Variants in RGS6 observed in about 807,000 individuals in gnomAD.
RGS6 encodes the protein regulator of G-protein signaling 6.
RGS6 carries 30 observed loss-of-function variants against 78.5 expected under a neutral mutation model. The ratio of observed to expected loss-of-function variants is 0.38; its 90% confidence interval spans 0.29 to 0.52. RGS6 has a LOEUF of 0.52. Ranked by LOEUF, RGS6 falls within the 20% of genes least tolerant of loss-of-function variation. RGS6 has a pLI of 0.85. For missense variants in RGS6, 495 were observed against 609.7 expected (o/e 0.81, Z 1.98); for synonymous variants, 206 against 206.0 (o/e 1.00, Z 0.00).
At chr14:72,424,491 T>C (rs1387897785) in intron 3 of RGS6, among the ~76,000 whole-genome samples, 3 of 152,246 alleles carry the variant, frequency 2.0e-5, no homozygotes, top group South Asian at 2.1e-4. Context: ...TCAGGCCTTT[T>C]TTGGTGAAAA....
intron 3 of RGS6, among the ~76,000 whole-genome samples, chr14:72,430,700 GTGT>G (rs1388682013): frequency 2.0e-5 from 3 of 151,518 alleles, no homozygotes; most frequent in African/African-American, 7.3e-5. Flanking sequence ...TTTCTGTGTG[GTGT>G]TGTTGTTGTG....
chr14:72,562,253 A>G (rs1466958892), intron 17 of RGS6, among the ~76,000 whole-genome samples, 164 bp from the exon 18 acceptor site: 1 of 152,220 alleles, frequency 6.6e-6, no homozygotes, highest in Admixed American at 6.5e-5. Context: ...TCCAAAGTTA[A>G]GGCTCCCATA....
chr14:71,887,014 T>G, the RGS6 span, among the ~76,000 whole-genome samples: 127,911 of 152,086 alleles, frequency 0.84, 53,993 homozygotes, highest in Middle Eastern at 0.88. Context: ...GTCAGGCATG[T>G]TGGTGGGCAC....
intron 13 of RGS6, among the ~76,000 whole-genome samples, chr14:72,499,523 C>T (rs968350180): frequency 6.6e-6 from 1 of 152,200 alleles, no homozygotes; most frequent in African/African-American, 2.4e-5. Flanking sequence ...CCACTGGAAT[C>T]GTAGGCTGCT....
downstream of RGS6, among the ~76,000 whole-genome samples, chr14:72,568,079 G>T (rs572893179): frequency 1.3e-5 from 2 of 152,202 alleles, no homozygotes; most frequent in Non-Finnish European, 2.9e-5. Context: ...TCTCTGGTAC[G>T]CTCTTCCTCG....
At chr14:72,011,521 A>G (rs2085713522) in intron 2 of RGS6, among the ~76,000 whole-genome samples, 3 of 152,200 alleles carry the variant, frequency 2.0e-5, no homozygotes, top group Admixed American at 6.5e-5. Context: ...CAGAGATCCA[A>G]CAAAAACCCA....
At chr14:72,095,018 G>A (rs2095369188) in intron 2 of RGS6, among the ~76,000 whole-genome samples, 1 of 152,066 alleles carries the variant, frequency 6.6e-6, no homozygotes, top group Non-Finnish European at 1.5e-5. Context: ...AGCCTGAGTA[G>A]TTGGCTCTTC....
At chr14:72,488,019 CT>C (rs2096521848) in intron 12 of RGS6, among the ~76,000 whole-genome samples, 1 of 152,214 alleles carries the variant, frequency 6.6e-6, no homozygotes, top group Admixed American at 6.5e-5. Flanking sequence ...TCAATACTTC[CT>C]TTTCCCATCA....
chr14:72,024,261 C>CAA (rs2089362655), intron 2 of RGS6, among the ~76,000 whole-genome samples: 1 of 152,192 alleles, frequency 6.6e-6, no homozygotes, highest in Admixed American at 6.5e-5. Flanking sequence ...CAGAACCTTG[C>CAA]CCCTGTGCAC....
At chr14:71,975,902 A>G (rs2094096087) in intron 2 of RGS6, among the ~76,000 whole-genome samples, 1 of 151,616 alleles carries the variant, frequency 6.6e-6, no homozygotes, top group Non-Finnish European at 1.5e-5. Context: ...TGTATTTTTT[A>G]TTCCTTTGTC....
At chr14:72,508,419 A>G (rs1185433782) in intron 13 of RGS6, among the ~76,000 whole-genome samples, 1 of 152,200 alleles carries the variant, frequency 6.6e-6, no homozygotes. Context: ...GCCAGTTTTC[A>G]ACAGCCCAAT....
chr14:72,612,586 A>G, the RGS6 span: 1 of 515,202 alleles, frequency 1.9e-6, no homozygotes, highest in African/African-American at 2.0e-5. Context: ...AAGGGAGGAA[A>G]CAGTGCAGGG....
chr14:72,296,623 C>T (rs61255159), intron 2 of RGS6, among the ~76,000 whole-genome samples: 2,060 of 152,228 alleles, frequency 0.014, 35 homozygotes, highest in African/African-American at 0.046. Flanking sequence ...TATCTTTTGT[C>T]AAATGTCTAT....
chr14:72,627,539 G>C, the RGS6 span, among the ~76,000 whole-genome samples: 2 of 151,990 alleles, frequency 1.3e-5, no homozygotes, highest in African/African-American at 4.8e-5. Context: ...GTGCCACACT[G>C]TTTTATCTAT....
intron 2 of RGS6, among the ~76,000 whole-genome samples, chr14:72,158,929 T>C (rs979668247): frequency 6.6e-6 from 1 of 152,216 alleles, no homozygotes; most frequent in East Asian, 1.9e-4. Flanking sequence ...AGCAAGTTAC[T>C]TAACCCACCT....
intron 14 of RGS6, among the ~76,000 whole-genome samples, chr14:72,517,638 C>T (rs1472238016): frequency 6.6e-6 from 1 of 152,236 alleles, no homozygotes; most frequent in Non-Finnish European, 1.5e-5. Context: ...CACTCTGAAA[C>T]CCATATATTG....
At chr14:71,979,971 A>C (rs2094360105) in intron 2 of RGS6, among the ~76,000 whole-genome samples, 1 of 137,770 alleles carries the variant, frequency 7.3e-6, no homozygotes, top group Non-Finnish European at 1.6e-5. Context: ...TATATTTAGG[A>C]TAGTTAGCTC....
intron 3 of RGS6, among the ~76,000 whole-genome samples, chr14:72,358,428 T>A (rs920725785): frequency 6.6e-6 from 1 of 152,266 alleles, no homozygotes; most frequent in African/African-American, 2.4e-5. Flanking sequence ...GGAAGGAGGC[T>A]GTACCCTGCA....
intron 2 of RGS6, among the ~76,000 whole-genome samples, chr14:72,224,971 G>T: frequency 6.6e-6 from 1 of 152,076 alleles, no homozygotes; most frequent in East Asian, 1.9e-4. Context: ...AAATCTGTTG[G>T]AATTGCCACA....
Sources: allele counts gnomAD v4.1 joint callset (sites outside exome capture counted in the v4.1 genomes callset), GRCh38; gene constraint gnomAD v4.1.1; transcripts MANE v1.5; gene names NCBI Gene and HGNC (gene_info 2026-07-23, HGNC 2026-07-21).